The following NT5DC1 variants were observed in gnomAD, a reference collection of about 807,000 sequenced individuals.
NT5DC1 encodes the protein 5'-nucleotidase domain containing 1.
In NT5DC1, 42 loss-of-function variants were observed where a neutral mutation model predicts 59.4. The observed-to-expected ratio is 0.71, with a 90% confidence interval of 0.55 to 0.92. NT5DC1 has a LOEUF of 0.92. Among genes scored for constraint, NT5DC1 ranks in the 40% least tolerant of loss-of-function variants. NT5DC1 has a pLI of 0.00. For missense variants in NT5DC1, 501 were observed against 537.1 expected, an observed-to-expected ratio of 0.93 and a Z score of 0.66; for synonymous variants, 172 against 188.1, an observed-to-expected ratio of 0.91 and a Z score of 0.70.
intron 8 of NT5DC1, among the ~76,000 whole-genome samples, chr6:116,229,351 A>C (rs1205713369): frequency 6.6e-6 from 1 of 152,184 alleles, no homozygotes; most frequent in Non-Finnish European, 1.5e-5. Context: ...AAATGGTTAA[A>C]GTAAAGTTAA....
chr6:116,185,769 G>A (rs1470404239), intron 6 of NT5DC1, among the ~76,000 whole-genome samples: 3 of 152,082 alleles, frequency 2.0e-5, no homozygotes, highest in Non-Finnish European at 2.9e-5. Context: ...TATGTGTCAG[G>A]TGAGTCTCTG....
At chr6:116,214,425 A>G (rs539078241) in intron 6 of NT5DC1, among the ~76,000 whole-genome samples, 2 of 152,294 alleles carry the variant, frequency 1.3e-5, no homozygotes, top group South Asian at 4.1e-4. Context: ...CTGGTTTTGC[A>G]CTTCTAGCCG....
At chr6:116,180,376 CT>C (rs1780849060) in intron 6 of NT5DC1, among the ~76,000 whole-genome samples, 1 of 151,964 alleles carries the variant, frequency 6.6e-6, no homozygotes, top group South Asian at 2.1e-4. Context: ...AGAATTCCAG[CT>C]TTTAAAAAAT....
At position 116,115,733 on chromosome 6, in the gene NT5DC1, C is replaced by G; in HGVS notation, c.407C>G (p.Ala136Gly). 3.7e-6 allele frequency: 6 copies of G among 1,605,622 alleles called. No homozygotes were observed. The highest frequency in any genetic ancestry group is 5.1e-6 in the Non-Finnish European group (6 of 1,172,422). ...GACAACTACTTTGACCTGCCAGGAGCTCTTCTGTGTGCCAGGGTGGTGGAC... is the reference window on the plus strand; with the variant it reads ...GACAACTACTTTGACCTGCCAGGAGGTCTTCTGTGTGCCAGGGTGGTGGAC... ...FYDNYFDLPG[A>G]LLCARVVDYL... The change falls in exon 5 of 12, where the codon GCT (alanine) becomes GGT (glycine). Residue 136 changes from alanine to glycine, a missense_variant. Coordinates refer to ENST00000319550, the MANE Select transcript of NT5DC1 (RefSeq NM_152729.3).
intron 6 of NT5DC1, among the ~76,000 whole-genome samples, chr6:116,193,505 A>T (rs1476568184): frequency 6.6e-6 from 1 of 152,080 alleles, no homozygotes; most frequent in Non-Finnish European, 1.5e-5. Context: ...GTTACTTTGT[A>T]AAATGGAGAA....
chr6:116,226,924 G>T (rs1582883074), intron 8 of NT5DC1, among the ~76,000 whole-genome samples: 1 of 152,014 alleles, frequency 6.6e-6, no homozygotes, highest in Admixed American at 6.5e-5. Context: ...TTGTAGAATG[G>T]CTAAATGATA....
chr6:116,192,989 A>T (rs911708498), intron 6 of NT5DC1, among the ~76,000 whole-genome samples: 5 of 152,058 alleles, frequency 3.3e-5, no homozygotes, highest in African/African-American at 1.2e-4. Context: ...TATGAGATAT[A>T]CTTAGTTTGT....
intron 6 of NT5DC1, among the ~76,000 whole-genome samples, chr6:116,126,778 A>G (rs934424505): frequency 1.3e-5 from 2 of 152,186 alleles, no homozygotes; most frequent in African/African-American, 4.8e-5. Flanking sequence ...TGATAATCTC[A>G]TATTATGTTA....
intron 6 of NT5DC1, among the ~76,000 whole-genome samples, chr6:116,147,775 T>C (rs961543009): frequency 6.6e-6 from 1 of 152,224 alleles, no homozygotes; most frequent in East Asian, 1.9e-4. Context: ...GTGCAAATGA[T>C]GTATATACAG....
At chr6:116,182,443 T>G (rs913261187) in intron 6 of NT5DC1, among the ~76,000 whole-genome samples, 1 of 152,094 alleles carries the variant, frequency 6.6e-6, no homozygotes, top group Non-Finnish European at 1.5e-5. Flanking sequence ...CTACTTTTAA[T>G]TTTTTAAGGA....
chr6:116,164,001 G>A (rs1780407351), intron 6 of NT5DC1, among the ~76,000 whole-genome samples: 1 of 152,120 alleles, frequency 6.6e-6, no homozygotes, highest in Admixed American at 6.5e-5. Flanking sequence ...ATTGAAATGT[G>A]CTTTGTGACC....
At chr6:116,217,525 A>G (rs1325130185) in intron 6 of NT5DC1, among the ~76,000 whole-genome samples, 1 of 152,132 alleles carries the variant, frequency 6.6e-6, no homozygotes, top group Non-Finnish European at 1.5e-5. Flanking sequence ...ACTCCTTTCC[A>G]TCTTAGGTCT....
intron 6 of NT5DC1, among the ~76,000 whole-genome samples, chr6:116,209,504 T>C (rs1781529135): frequency 6.6e-6 from 1 of 152,000 alleles, no homozygotes; most frequent in Non-Finnish European, 1.5e-5. Flanking sequence ...AATATGCTTA[T>C]TACAAGTGTT....
chr6:116,119,761 T>TTTTTTTGTTGTTTG (rs1324849556), intron 6 of NT5DC1: 1 of 246,108 alleles, frequency 4.1e-6, no homozygotes, highest in Non-Finnish European at 7.8e-6. Context: ...TTTTTAATTT[T>TTTTTTTGTTGTTTG]TTTTTTGTTG....
At chr6:116,102,535 C>CA (rs1023405335) in intron 1 of NT5DC1, among the ~76,000 whole-genome samples, 6 of 152,158 alleles carry the variant, frequency 3.9e-5, no homozygotes, top group African/African-American at 7.2e-5. Flanking sequence ...TAGTTACCTT[C>CA]ATTTGGAGGT....
chr6:116,163,141 A>AAAAAT (rs761718922), intron 6 of NT5DC1, among the ~76,000 whole-genome samples: 2,289 of 88,024 alleles, frequency 0.026, 106 homozygotes, highest in African/African-American at 0.061. Flanking sequence ...AAAAAAAAAA[A>AAAAAT]ATATATATAT....
chr6:116,177,138 C>T (rs1780751952), intron 6 of NT5DC1, among the ~76,000 whole-genome samples: 1 of 152,140 alleles, frequency 6.6e-6, no homozygotes, highest in Non-Finnish European at 1.5e-5. Flanking sequence ...TGAATTGATG[C>T]ATACGACTAT....
Position 116,106,343 on chromosome 6 carries a change from CTTT to C in NT5DC1, c.185+25_185+27del, listed in dbSNP as rs56295720. 29,023 of 748,582 alleles carry C rather than the reference CTTT, an allele frequency of 0.039. No homozygotes were observed. The highest frequency in any genetic ancestry group is 0.048 in the Admixed American group (1,869 of 38,742). 46.4% of individuals were successfully genotyped at this position (748,582 alleles called of 1,614,324 possible). A position where few individuals can be genotyped will look rare whatever the true frequency, so the allele number is the denominator to read the frequency against. ...AGAGGATTGGGATTTCTGGTAAGTT[CTTT>C]TTTTTTTTTTTTTTTTAAGTCTGTA... is the stretch of plus-strand genomic sequence containing the variant. On this transcript the variant is annotated intron_variant, in intron 2 of 11. Coordinates refer to ENST00000319550, the MANE Select transcript of NT5DC1 (RefSeq NM_152729.3).
chr6:116,141,885 A>AACACACACACACAC lies in NT5DC1; in HGVS notation c.529+23969_529+23982dup, dbSNP rs3051942. On this transcript the variant is annotated intron_variant, in intron 6 of 11. Coordinates refer to ENST00000319550, the MANE Select transcript of NT5DC1 (RefSeq NM_152729.3). The stretch of plus-strand genomic sequence containing the variant: ...GTAAAAGATTTTCTGCCAAAAAGAA[A>AACACACACACACAC]ACACACACACACACACACACACACA... Among the ~76,000 whole-genome samples, 516 of 140,394 alleles carry AACACACACACACAC rather than the reference A, an allele frequency of 3.7e-3. 6 individuals are homozygous for AACACACACACACAC. The highest frequency in any genetic ancestry group is 0.013 in the African/African-American group (499 of 37,462). 92.1% of individuals were successfully genotyped at this position (140,394 alleles called of 152,430 possible).
Sources: gnomAD v4.1 joint callset for allele counts (sites outside exome capture counted in the v4.1 genomes callset) on GRCh38, gnomAD v4.1.1 for gene constraint, MANE v1.5 for transcripts, NCBI Gene and HGNC (gene_info 2026-07-23, HGNC 2026-07-21) for gene names.